CNTNAP2: variants seen among roughly 807,000 people sequenced by gnomAD.
The protein encoded by CNTNAP2 is contactin-associated protein-like 2.
Under a neutral mutation model 155.2 loss-of-function variants are expected in CNTNAP2, and 98 were observed. The observed-to-expected ratio is 0.63, with a 90% CI of 0.54 to 0.75. The LOEUF (loss-of-function observed/expected upper bound fraction) is 0.75, where lower values mean the gene tolerates loss of function less well. Ranked by LOEUF, CNTNAP2 falls within the 30% of genes least tolerant of loss-of-function variation. The pLI is 0.00. For synonymous variants in CNTNAP2, 651 were observed against 631.2 expected (o/e 1.03, Z -0.47); for missense variants, 1,727 against 1,688.1 (o/e 1.02, Z -0.40).
At chr7:147,902,824 G>A (rs1181143083) in intron 13 of CNTNAP2, among the ~76,000 whole-genome samples, 13 of 128,966 alleles carry the variant, frequency 1.0e-4, no homozygotes, top group African/African-American at 3.6e-4. Flanking sequence ...ATGTGTGTGT[G>A]TGTGTGTGTG....
intron 13 of CNTNAP2, among the ~76,000 whole-genome samples, chr7:147,730,101 A>G (rs2116464399): frequency 6.6e-6 from 1 of 152,246 alleles, no homozygotes; most frequent in South Asian, 2.1e-4. Flanking sequence ...TAGGCTAATG[A>G]GTTAGCACAT....
intron 8 of CNTNAP2, among the ~76,000 whole-genome samples, chr7:147,293,194 C>G (rs1805351240): frequency 6.6e-6 from 1 of 152,148 alleles, no homozygotes; most frequent in African/African-American, 2.4e-5. Flanking sequence ...TCCAAAGTGA[C>G]TCTTTGTAAC....
intron 10 of CNTNAP2, among the ~76,000 whole-genome samples, chr7:147,398,589 C>CTTTTTTTTTTTTTTTTT (rs58507416): frequency 2.3e-5 from 2 of 87,732 alleles, no homozygotes; most frequent in Non-Finnish European, 4.3e-5. Flanking sequence ...ACGATTTGAA[C>CTTTTTTTTTTTTTTTTT]TTTTTTTTTT....
At chr7:146,227,456 G>GA (rs941351933) in intron 1 of CNTNAP2, among the ~76,000 whole-genome samples, 7 of 141,344 alleles carry the variant, frequency 5.0e-5, no homozygotes. Flanking sequence ...AAAAGAAAAA[G>GA]AAAAAAATCT....
At chr7:147,841,247 T>G (rs1798722756) in intron 13 of CNTNAP2, among the ~76,000 whole-genome samples, 1 of 152,180 alleles carries the variant, frequency 6.6e-6, no homozygotes, top group Admixed American at 6.5e-5. Context: ...CAGAAAAAGT[T>G]GTATGTGTGG....
chr7:148,028,766 G>T (rs368984765), intron 15 of CNTNAP2, among the ~76,000 whole-genome samples: 1 of 152,050 alleles, frequency 6.6e-6, no homozygotes, highest in Non-Finnish European at 1.5e-5. Context: ...CCAAGGTCAG[G>T]TTTAACCACA....
At chr7:147,344,068 G>A (rs548167681) in intron 9 of CNTNAP2, among the ~76,000 whole-genome samples, 116 of 152,268 alleles carry the variant, frequency 7.6e-4, no homozygotes, top group Non-Finnish European at 9.0e-4. Context: ...GGGAGGTTAA[G>A]CGACTCTGAA....
rs138503462 is a variant in CNTNAP2 at position 146,593,246 on chromosome 7, C to T, written c.98-181025C>T. On this transcript the variant is annotated intron_variant, in intron 1 of 23. Transcript: ENST00000361727. ...CTGAGAGCTTGGTTATTGCTTCCAA[C>T]CCCGGGTGAACCCCTAAGCTAGACC... Among the ~76,000 whole-genome samples, 1,300 of 151,950 alleles carry T rather than the reference C, an allele frequency of 8.6e-3. 15 individuals are homozygous for T. Among genetic ancestry groups the T allele is most frequent in the Middle Eastern group, 0.031 (9 of 292 alleles).
At chr7:148,057,004 C>T (rs1803025846) in intron 15 of CNTNAP2, among the ~76,000 whole-genome samples, 1 of 152,130 alleles carries the variant, frequency 6.6e-6, no homozygotes, top group Admixed American at 6.5e-5. Context: ...ATCCTATTTC[C>T]ATCACTTGCC....
intron 13 of CNTNAP2, among the ~76,000 whole-genome samples, chr7:147,899,783 G>A (rs1436061250): frequency 6.6e-6 from 1 of 151,996 alleles, no homozygotes; most frequent in Non-Finnish European, 1.5e-5. Flanking sequence ...TACTTGGGAG[G>A]CTGAAGCAGG....
chr7:147,642,000 G>A (rs181348506), intron 13 of CNTNAP2, among the ~76,000 whole-genome samples: 46 of 134,702 alleles, frequency 3.4e-4, no homozygotes, highest in African/African-American at 1.3e-3. Flanking sequence ...TATCATAGGT[G>A]TGTGTGTGTG....
At chr7:147,726,881 A>T (rs144525466) in intron 13 of CNTNAP2, among the ~76,000 whole-genome samples, 5 of 152,168 alleles carry the variant, frequency 3.3e-5, no homozygotes, top group African/African-American at 1.2e-4. Flanking sequence ...TAATTAAATG[A>T]GCACTGGTGG....
chr7:147,725,640 A>G (rs574350432), intron 13 of CNTNAP2, among the ~76,000 whole-genome samples: 2 of 152,192 alleles, frequency 1.3e-5, no homozygotes, highest in African/African-American at 4.8e-5. Context: ...TCTGGTGTCA[A>G]CTGTGAACGT....
chr7:148,207,049 C>A lies in CNTNAP2; in HGVS notation c.3011-10239C>A, dbSNP rs567287382. On this transcript the variant is annotated intron_variant, in intron 18 of 23. Coordinates refer to ENST00000361727, the MANE Select transcript of CNTNAP2 (RefSeq NM_014141.6). ...GTGTTTGCTCTGTCTCCCAACCCAC[C>A]GCAAACTCCGTTTGGGAAAAGTATA... Among the ~76,000 whole-genome samples, 5 of 152,294 alleles carry A rather than the reference C, an allele frequency of 3.3e-5. No homozygotes were observed. The East Asian group carries it at 9.6e-4, about 29-fold the overall frequency.
At chr7:147,299,872 C>T (rs1464708450) in intron 8 of CNTNAP2, among the ~76,000 whole-genome samples, 5 of 152,058 alleles carry the variant, frequency 3.3e-5, no homozygotes, top group Non-Finnish European at 2.9e-5. Flanking sequence ...GACTTTTTTT[C>T]AATCCATTTC....
intron 11 of CNTNAP2, among the ~76,000 whole-genome samples, chr7:147,528,610 A>G (rs184658142): frequency 1.3e-5 from 2 of 152,200 alleles, no homozygotes; most frequent in African/African-American, 4.8e-5. Context: ...TGTACATCTT[A>G]CATGTTCCTG....
intron 4 of CNTNAP2, among the ~76,000 whole-genome samples, chr7:147,098,775 G>A (rs866195095): frequency 2.0e-5 from 3 of 152,212 alleles, no homozygotes; most frequent in Middle Eastern, 6.8e-3. Context: ...ACCGTGAAAA[G>A]ATACTAATAT....
intron 13 of CNTNAP2, among the ~76,000 whole-genome samples, chr7:147,770,271 G>T (rs562106314): frequency 6.6e-6 from 1 of 152,258 alleles, no homozygotes; most frequent in African/African-American, 2.4e-5. Flanking sequence ...CTATAGTGTT[G>T]TTGTTTTTTT....
At position 148,323,920 on chromosome 7, in the gene CNTNAP2, C is replaced by G. The variant is rs1281468509; in HGVS notation, c.3475+56794C>G. Among the ~76,000 whole-genome samples, 3 of 128,828 alleles carry G rather than the reference C, an allele frequency of 2.3e-5. No individual in the cohort carries two copies. In the East Asian group the frequency reaches 6.8e-4, roughly 29 times the overall value. 84.5% of individuals were successfully genotyped at this position (128,828 alleles called of 152,430 possible). The stretch of plus-strand genomic sequence containing the variant: ...TTTTTTTTTGAGACGGAGTTTCACT[C>G]TTGCCCAGGCTGGAGTGCAGTGGTA... On this transcript the variant is annotated intron_variant, in intron 21 of 23. Transcript: ENST00000361727.
Sources: gnomAD v4.1 joint callset for allele counts (sites outside exome capture counted in the v4.1 genomes callset) on GRCh38, gnomAD v4.1.1 for gene constraint, MANE v1.5 for transcripts, NCBI Gene and HGNC (gene_info 2026-07-23, HGNC 2026-07-21) for gene names.